The following NPHP1 variants were observed in gnomAD, a reference collection of about 807,000 sequenced individuals.
The protein encoded by NPHP1 is nephrocystin 1.
A neutral mutation model predicts 90.4 loss-of-function variants in NPHP1; 70 were observed. The observed-to-expected ratio is 0.77, with a 90% CI of 0.64 to 0.95. The LOEUF (loss-of-function observed/expected upper bound fraction) is 0.95. Among genes scored for constraint, NPHP1 ranks in the 40% least tolerant of loss-of-function variants. The pLI, the probability that NPHP1 is intolerant of heterozygous loss-of-function variation, is 0.00. For missense variants in NPHP1, 764 were observed against 795.9 expected (o/e 0.96, Z 0.48); for synonymous variants, 256 against 271.7 (o/e 0.94, Z 0.57).
rs144202291 is a variant in NPHP1 at position 110,138,768 on chromosome 2, C to T, written c.1529+4774G>A. On this transcript the variant is annotated intron_variant, in intron 16 of 19. Transcript: ENST00000445609. The stretch of plus-strand genomic sequence containing the variant: ...TGATGAAGAACAGCCAAGGTTTTGC[C>T]AGGGAAAGGGGTGGGAACTTCCTTC... Among the ~76,000 whole-genome samples the T allele has an allele frequency of 1.2e-3, 182 of 152,182 alleles. 1 individual carries two copies. Among genetic ancestry groups the T allele is most frequent in the Non-Finnish European group, 2.4e-3 (162 of 67,986 alleles).
At chr2:110,153,755 G>A (rs1681663619) in intron 11 of NPHP1, among the ~76,000 whole-genome samples, 1 of 152,128 alleles carries the variant, frequency 6.6e-6, no homozygotes, top group African/African-American at 2.4e-5. Flanking sequence ...GCCAAGGCAG[G>A]TGGATCACCT....
At chr2:110,128,128 T>A (rs967539772) in intron 18 of NPHP1, 1 of 152,132 alleles carries the variant, frequency 6.6e-6, no homozygotes, top group Admixed American at 6.5e-5. Context: ...CCAGCCAAGC[T>A]AGCATATGAA....
At chr2:110,181,782 T>G (rs1464986695) in intron 2 of NPHP1, among the ~76,000 whole-genome samples, 1 of 152,150 alleles carries the variant, frequency 6.6e-6, no homozygotes, top group African/African-American at 2.4e-5. Context: ...AGTGGGATGA[T>G]GCTGAGATGG....
intron 4 of NPHP1, among the ~76,000 whole-genome samples, chr2:110,174,148 A>G (rs534446851): frequency 1.1e-4 from 16 of 152,180 alleles, no homozygotes; most frequent in Admixed American, 3.9e-4. Context: ...TATCTCTTCT[A>G]AATAGTATAT....
chr2:110,159,087 G>T (rs1248624248), intron 11 of NPHP1, among the ~76,000 whole-genome samples: 1 of 151,942 alleles, frequency 6.6e-6, no homozygotes, highest in Non-Finnish European at 1.5e-5. Context: ...AATGTTAAAT[G>T]TGATTACCCA....
intron 11 of NPHP1, among the ~76,000 whole-genome samples, chr2:110,152,448 TA>T (rs1681547845): frequency 6.6e-6 from 1 of 151,540 alleles, no homozygotes; most frequent in Admixed American, 6.6e-5. Context: ...AAATAGAAGA[TA>T]GAAGAGTAAA....
At chr2:110,164,396 ATC>A in intron 8 of NPHP1, 1 of 699,580 alleles carries the variant, frequency 1.4e-6, no homozygotes, top group Non-Finnish European at 2.5e-6. Context: ...AAAATTTAAC[ATC>A]TGTTTCCACT....
rs1226905938 is a variant in NPHP1 at position 110,179,619 on chromosome 2, C to A, written c.204+5G>T. On this transcript the variant is annotated splice_donor_5th_base_variant and intron_variant, in intron 3 of 19. Transcript: ENST00000445609. ...TTTAATAATGTGATTAACCTCAATA[C>A]TTACTTTGCTTAATTTTTGAAGAGC... The A allele has an allele frequency of 7.8e-7, 1 of 1,284,300 alleles. No individual in the cohort carries two copies. Among genetic ancestry groups the A allele is most frequent in the Non-Finnish European group, 1.1e-6 (1 of 885,062 alleles). The allele number at this position is 1,284,300 out of a possible 1,614,324, so 79.6% of individuals were successfully genotyped here.
intron 2 of NPHP1, among the ~76,000 whole-genome samples, chr2:110,190,543 G>A (rs570275823): frequency 1.1e-4 from 16 of 152,302 alleles, no homozygotes; most frequent in East Asian, 5.8e-4. Context: ...CACAAGCACC[G>A]TGTGCAGGCC....
intron 2 of NPHP1, among the ~76,000 whole-genome samples, chr2:110,182,240 A>T (rs1277585684): frequency 6.6e-6 from 1 of 152,124 alleles, no homozygotes; most frequent in African/African-American, 2.4e-5. Flanking sequence ...GAATTCCCCC[A>T]ACCTAGCAAG....
chr2:110,204,611 G>A (rs1034171480), intron 1 of NPHP1, among the ~76,000 whole-genome samples: 5 of 152,134 alleles, frequency 3.3e-5, no homozygotes, highest in Non-Finnish European at 7.4e-5. Flanking sequence ...TAGGGTAGGA[G>A]GTTGAGACGT....
At chr2:110,168,424 G>T in intron 6 of NPHP1, 28 bp downstream of exon 6, 9 of 1,374,124 alleles carry the variant, frequency 6.5e-6, no homozygotes, top group Non-Finnish European at 9.3e-6. Flanking sequence ...AAAAGTCTTA[G>T]AAAAGGAAGG....
Position 110,162,879 on chromosome 2 carries a change from T to A in NPHP1, c.859+169A>T, listed in dbSNP as rs1169427460. On this transcript the variant is annotated intron_variant, in intron 9 of 19. Transcript: ENST00000445609. ...GTAAACAGGCTGGCCTCTGATAGGA[T>A]CAGGGATCTTTCCTCACTGTCATAG... 2.0e-5 allele frequency among the ~76,000 whole-genome samples: 3 copies of A among 152,044 alleles called. No homozygotes were observed. The East Asian group carries it at 5.8e-4, about 29-fold the overall frequency.
chr2:110,201,690 G>A (rs768470265), intron 1 of NPHP1, among the ~76,000 whole-genome samples, 196 bp from the exon 2 acceptor site: 2 of 151,994 alleles, frequency 1.3e-5, no homozygotes, highest in African/African-American at 2.4e-5. Flanking sequence ...TGATCTATCC[G>A]TCAACCCACC....
intron 16 of NPHP1, among the ~76,000 whole-genome samples, chr2:110,139,988 G>A (rs1020654022): frequency 6.6e-6 from 1 of 152,060 alleles, no homozygotes; most frequent in African/African-American, 2.4e-5. Flanking sequence ...CCAGGCTGGT[G>A]CCTAGTCTCT....
intron 2 of NPHP1, among the ~76,000 whole-genome samples, chr2:110,200,187 G>A (rs894452385): frequency 1.5e-4 from 23 of 152,168 alleles, no homozygotes; most frequent in African/African-American, 4.1e-4. Flanking sequence ...CCTGGGAGGT[G>A]GAGCTTGCAG....
At chr2:110,203,978 A>C (rs937272814) in intron 1 of NPHP1, among the ~76,000 whole-genome samples, 3 of 152,092 alleles carry the variant, frequency 2.0e-5, no homozygotes, top group Admixed American at 1.3e-4. Context: ...AAATCATAAT[A>C]ATCATCAGCA....
chr2:110,194,061 A>G (rs1029487282), intron 2 of NPHP1, among the ~76,000 whole-genome samples: 2 of 152,192 alleles, frequency 1.3e-5, no homozygotes, highest in African/African-American at 4.8e-5. Flanking sequence ...AGCAGGAAAG[A>G]AATAAAATTG....
intron 16 of NPHP1, among the ~76,000 whole-genome samples, chr2:110,134,996 CTTTG>C (rs1419081174): frequency 1.3e-5 from 2 of 152,040 alleles, no homozygotes; most frequent in Non-Finnish European, 2.9e-5. Flanking sequence ...AGAAAAGTGT[CTTTG>C]TTTGCAGACA....
Sources: gnomAD v4.1 joint callset for allele counts (sites outside exome capture counted in the v4.1 genomes callset) on GRCh38, gnomAD v4.1.1 for gene constraint, MANE v1.5 for transcripts, NCBI Gene and HGNC (gene_info 2026-07-23, HGNC 2026-07-21) for gene names.